The following TAFA5 variants were observed in gnomAD, a reference collection of about 807,000 sequenced individuals.
TAFA5 encodes the protein chemokine-like protein TAFA-5.
A neutral mutation model predicts 15.3 loss-of-function variants in TAFA5; 6 were observed. The observed-to-expected ratio is 0.39, with a 90% CI of 0.21 to 0.77. The LOEUF (loss-of-function observed/expected upper bound fraction) is 0.77. Among genes scored for constraint, TAFA5 ranks in the 30% least tolerant of loss-of-function variants. The pLI is 0.41. For synonymous variants in TAFA5, 103 were observed against 80.7 expected (o/e 1.28, Z -1.48); for missense variants, 161 against 193.1 (o/e 0.83, Z 0.98).
At chr22:48,745,510 T>C (rs1371034989) in intron 3 of TAFA5, among the ~76,000 whole-genome samples, 1 of 148,254 alleles carries the variant, frequency 6.7e-6, no homozygotes, top group East Asian at 2.0e-4. Flanking sequence ...ACCCTGAGCA[T>C]GGGCACACAC....
At chr22:48,680,283 C>G (rs1928139160) in intron 2 of TAFA5, among the ~76,000 whole-genome samples, 1 of 152,202 alleles carries the variant, frequency 6.6e-6, no homozygotes, top group Admixed American at 6.5e-5. Flanking sequence ...CGTGTGCGTC[C>G]CACGACCCAG....
intron 1 of TAFA5, among the ~76,000 whole-genome samples, chr22:48,580,265 G>A (rs913310815): frequency 3.3e-5 from 5 of 152,210 alleles, no homozygotes; most frequent in Non-Finnish European, 5.9e-5. Flanking sequence ...GCTCAGCTCC[G>A]TGAAGGCAAT....
intron 1 of TAFA5, among the ~76,000 whole-genome samples, chr22:48,563,379 G>A (rs529769418): frequency 1.9e-4 from 29 of 152,322 alleles, no homozygotes; most frequent in Admixed American, 1.6e-3. Flanking sequence ...CCCAGCTTCC[G>A]GTGGTCTGTC....
chr22:48,550,999 A>C lies in TAFA5; in HGVS notation c.112+61295A>C. ...CCCTGGTCCTGATTTGGACATCATAAGATGGGCTGCTGTGGTGTCCCCTCT... is the reference window on the plus strand; with the variant it reads ...CCCTGGTCCTGATTTGGACATCATACGATGGGCTGCTGTGGTGTCCCCTCT... On this transcript the variant is annotated intron_variant, in intron 1 of 3. Transcript: ENST00000402357. This position sits in a 1 kb window ranked among gnomAD's most constrained non-coding sequence, Gnocchi z 4.1. Among the ~76,000 whole-genome samples, 1 of 151,968 alleles carries C rather than the reference A, an allele frequency of 6.6e-6. No homozygotes were observed. The highest frequency in any genetic ancestry group is 2.0e-4 in the East Asian group (1 of 5,118).
intron 1 of TAFA5, among the ~76,000 whole-genome samples, chr22:48,622,718 A>G (rs1569052133): frequency 6.6e-6 from 1 of 152,166 alleles, no homozygotes; most frequent in Non-Finnish European, 1.5e-5. Flanking sequence ...TTCCCGGAGG[A>G]GGTGGTATCG....
At chr22:48,716,909 T>C (rs1929418286) in intron 3 of TAFA5, among the ~76,000 whole-genome samples, 1 of 152,092 alleles carries the variant, frequency 6.6e-6, no homozygotes, top group Non-Finnish European at 1.5e-5. Flanking sequence ...CTAAAAGAAA[T>C]GGGAACTAGG....
chr22:48,747,517 C>T (rs555224770), intron 3 of TAFA5, among the ~76,000 whole-genome samples: 3 of 152,284 alleles, frequency 2.0e-5, no homozygotes, highest in Non-Finnish European at 2.9e-5. Flanking sequence ...CCCAGGGGTC[C>T]GTGGAGGTGG....
In TAFA5 at chr22:48,745,434, C is replaced by T. The variant is rs12159163; in HGVS notation, c.391-4405C>T. Among the ~76,000 whole-genome samples, 290 of 112,978 alleles carry T rather than the reference C, an allele frequency of 2.6e-3. 5 individuals carry two copies. The highest frequency in any genetic ancestry group is 8.2e-3 in the African/African-American group (230 of 28,102). 74.1% of individuals were successfully genotyped at this position (112,978 alleles called of 152,430 possible). A position where few individuals can be genotyped will look rare whatever the true frequency, so the allele number is the denominator to read the frequency against. On this transcript the variant is annotated intron_variant, in intron 3 of 3. Transcript: ENST00000402357. ...GGCTTTGTCGTCGGCGGCTGGCCTG[C>T]CCGGGGTTCACCCTGAGCATGGGCA...
rs1923190281 is a variant in TAFA5, at chr22:48,560,456, G to A, written c.112+70752G>A. On this transcript the variant is annotated intron_variant, in intron 1 of 3. Transcript: ENST00000402357. This position sits in a 1 kb window ranked among gnomAD's most constrained non-coding sequence, Gnocchi z 4.2. ...CCATCAGGGCCTGGGGCCAGCCCGG[G>A]CAAGGACAGTGCCAGCAGGCGCCCC... 6.6e-6 allele frequency among the ~76,000 whole-genome samples: 1 copy of A among 152,144 alleles called. No individual in the cohort carries two copies. The highest frequency in any genetic ancestry group is 1.5e-5 in the Non-Finnish European group (1 of 68,024).
chr22:48,579,371 A>G (rs1264058121), intron 1 of TAFA5, among the ~76,000 whole-genome samples: 2 of 152,096 alleles, frequency 1.3e-5, no homozygotes, highest in Non-Finnish European at 2.9e-5. Flanking sequence ...CATCCTTAGG[A>G]CACGCTGACC....
intron 1 of TAFA5, among the ~76,000 whole-genome samples, chr22:48,605,418 GGATGGT>G (rs1245743495): frequency 2.6e-5 from 1 of 37,954 alleles, no homozygotes; most frequent in Non-Finnish European, 6.5e-5. Context: ...GTGATGGTGA[GGATGGT>G]GGTGGTGGTG....
intron 1 of TAFA5, among the ~76,000 whole-genome samples, chr22:48,494,383 G>C (rs1328355830): frequency 6.6e-6 from 1 of 152,206 alleles, no homozygotes; most frequent in Non-Finnish European, 1.5e-5. Flanking sequence ...AGCACTGTCA[G>C]CGATGGTCCA....
At chr22:48,625,115 GA>G (rs5845856) in intron 1 of TAFA5, among the ~76,000 whole-genome samples, 93 of 142,170 alleles carry the variant, frequency 6.5e-4, no homozygotes, top group African/African-American at 8.0e-4. Context: ...ACCCTGTCTT[GA>G]AAAAAAAAAA....
intron 2 of TAFA5, among the ~76,000 whole-genome samples, chr22:48,692,251 G>T (rs1928566706): frequency 6.6e-6 from 1 of 152,194 alleles, no homozygotes; most frequent in African/African-American, 2.4e-5. Context: ...AGGGAGGGCT[G>T]CAGTAGGTCA....
chr22:48,557,558 G>A (rs757908113), intron 1 of TAFA5, among the ~76,000 whole-genome samples: 1 of 152,168 alleles, frequency 6.6e-6, no homozygotes, highest in Non-Finnish European at 1.5e-5. Flanking sequence ...TGACCACGGC[G>A]GCTCCTTGCA....
chr22:48,691,538 C>A (rs1208772637), intron 2 of TAFA5, among the ~76,000 whole-genome samples: 1 of 152,156 alleles, frequency 6.6e-6, no homozygotes, highest in South Asian at 2.1e-4. Flanking sequence ...TGCAGCCTCG[C>A]GAGGAACGCA....
chr22:48,528,656 T>G (rs1277320127), intron 1 of TAFA5, among the ~76,000 whole-genome samples: 1 of 152,198 alleles, frequency 6.6e-6, no homozygotes, highest in Non-Finnish European at 1.5e-5. Flanking sequence ...AACCAATGCT[T>G]TGAGTCAACA....
At chr22:48,680,749 G>T (rs1176354667) in intron 2 of TAFA5, among the ~76,000 whole-genome samples, 1 of 152,260 alleles carries the variant, frequency 6.6e-6, no homozygotes, top group Non-Finnish European at 1.5e-5. Flanking sequence ...AGAGGATCCA[G>T]ATGTCCTGGC....
chr22:48,643,598 G>T (rs761997405), intron 1 of TAFA5, among the ~76,000 whole-genome samples: 9 of 152,220 alleles, frequency 5.9e-5, no homozygotes, highest in Non-Finnish European at 1.0e-4. Flanking sequence ...AGCCCTGGCC[G>T]GTCGGGTAGC....
Sources: allele counts gnomAD v4.1 joint callset (sites outside exome capture counted in the v4.1 genomes callset), GRCh38; gene constraint gnomAD v4.1.1; non-coding constraint Gnocchi (gnomAD v3.1); transcripts MANE v1.5; gene names NCBI Gene and HGNC (gene_info 2026-07-23, HGNC 2026-07-21).